Variants in POP1 observed in about 807,000 individuals in gnomAD.
POP1 encodes ribonucleases P/MRP protein subunit POP1.
Under a neutral mutation model 102.2 loss-of-function variants are expected in POP1, and 75 were observed. The observed-to-expected ratio is 0.73, with a 90% confidence interval of 0.61 to 0.89. POP1 has a LOEUF of 0.89. Ranked by LOEUF, POP1 falls within the 40% of genes least tolerant of loss-of-function variation. The pLI is 0.00. For missense variants in POP1, 1,116 were observed against 1,267.4 expected, an observed-to-expected ratio of 0.88 and a Z score of 1.81; for synonymous variants, 436 against 464.1, an observed-to-expected ratio of 0.94 and a Z score of 0.78.
intron 2 of POP1, among the ~76,000 whole-genome samples, chr8:98,126,091 T>C (rs9297282): frequency 0.71 from 107,739 of 151,274 alleles, 39,553 homozygotes; most frequent in African/African-American, 0.89. Flanking sequence ...TCAAGTGATC[T>C]GCCCACCTTG....
intron 12 of POP1, among the ~76,000 whole-genome samples, chr8:98,147,429 G>C (rs1159874377): frequency 1.3e-5 from 2 of 152,220 alleles, no homozygotes; most frequent in South Asian, 2.1e-4. Context: ...AATCAGGAAT[G>C]GGGTGAGAGA....
intron 1 of POP1, among the ~76,000 whole-genome samples, chr8:98,118,631 G>A (rs1239309435): frequency 6.6e-6 from 1 of 151,956 alleles, no homozygotes; most frequent in African/African-American, 2.4e-5. Context: ...TCTTCATATT[G>A]GCCAGGCTGG....
chr8:98,138,481 C>G (rs1039728984), intron 9 of POP1, among the ~76,000 whole-genome samples: 1 of 152,214 alleles, frequency 6.6e-6, no homozygotes, highest in Admixed American at 6.5e-5. Context: ...AGATTTCAGT[C>G]TCTAGCATTT....
intron 1 of POP1, among the ~76,000 whole-genome samples, chr8:98,118,063 C>T (rs1815897326): frequency 6.6e-6 from 1 of 152,146 alleles, no homozygotes; most frequent in Non-Finnish European, 1.5e-5. Context: ...AAAATCTCTG[C>T]CTTCCCTGCT....
At chr8:98,127,436 A>G (rs1226986226) in intron 2 of POP1, among the ~76,000 whole-genome samples, 159 bp from the exon 3 acceptor site, 2 of 152,162 alleles carry the variant, frequency 1.3e-5, no homozygotes, top group African/African-American at 2.4e-5. Flanking sequence ...TCACCTTCCT[A>G]CGTAAGATTC....
At chr8:98,131,664 GT>G (rs11293197) in intron 5 of POP1, among the ~76,000 whole-genome samples, 84,137 of 151,988 alleles carry the variant, frequency 0.55, 23,878 homozygotes, top group South Asian at 0.75. Context: ...TTAATTTTAT[GT>G]TTAATTTTTT....
At chr8:98,137,959 G>A (rs912499235) in intron 9 of POP1, among the ~76,000 whole-genome samples, 4 of 152,158 alleles carry the variant, frequency 2.6e-5, no homozygotes, top group Non-Finnish European at 4.4e-5. Context: ...GGTCAAATAC[G>A]ATGATAGAGC....
At chr8:98,129,800 CT>C (rs1816322933) in intron 4 of POP1, among the ~76,000 whole-genome samples, 177 bp from the exon 5 acceptor site, 1 of 152,190 alleles carries the variant, frequency 6.6e-6, no homozygotes, top group South Asian at 2.1e-4. Context: ...AACATTCACT[CT>C]TTCCATTGTC....
chr8:98,128,151 T>A (rs3802196), intron 3 of POP1, among the ~76,000 whole-genome samples: 1 of 152,014 alleles, frequency 6.6e-6, no homozygotes. Context: ...GCCCTTTCCA[T>A]CCTCTTCTGT....
chr8:98,133,217 A>T (rs1304911252), intron 5 of POP1, among the ~76,000 whole-genome samples: 1 of 152,164 alleles, frequency 6.6e-6, no homozygotes, highest in East Asian at 1.9e-4. Flanking sequence ...ACCCTGTCTC[A>T]AAAACAAAAC....
intron 5 of POP1, among the ~76,000 whole-genome samples, chr8:98,130,904 A>G (rs1157709476): frequency 6.6e-6 from 1 of 152,148 alleles, no homozygotes; most frequent in Non-Finnish European, 1.5e-5. Flanking sequence ...TATTTATCTG[A>G]TTGCTCCCTC....
intron 2 of POP1, among the ~76,000 whole-genome samples, chr8:98,127,140 A>T (rs1457789168): frequency 6.6e-6 from 1 of 152,032 alleles, no homozygotes; most frequent in African/African-American, 2.4e-5. Context: ...ACTCCTTTAT[A>T]AGGATACTAA....
intron 15 of POP1, 57 bp downstream of exon 15, chr8:98,156,469 G>A: frequency 6.2e-7 from 1 of 1,604,506 alleles, no homozygotes; most frequent in Non-Finnish European, 8.5e-7. Context: ...TATTGAAGAG[G>A]CTACAGGATG....
Position 98,140,196 on chromosome 8 carries a change from A to G in POP1, c.1474+7A>G. The G allele has an allele frequency of 6.2e-7, 1 of 1,612,868 alleles. No homozygotes were observed. Among genetic ancestry groups the G allele is most frequent in the South Asian group, 1.1e-5 (1 of 91,030 alleles). On this transcript the variant is annotated splice_region_variant and intron_variant, in intron 10 of 15. Transcript: ENST00000401707. The stretch of plus-strand genomic sequence containing the variant: ...ATTTTCGAGTTGTTGGGAGGTATAC[A>G]AAGGGAAGACTGGGTTGTGTTGGGG...
At chr8:98,145,246 A>C (rs1211645536) in intron 11 of POP1, among the ~76,000 whole-genome samples, 1 of 152,086 alleles carries the variant, frequency 6.6e-6, no homozygotes, top group Non-Finnish European at 1.5e-5. Flanking sequence ...AATTTTTTCT[A>C]ACTTCGTTCT....
At chr8:98,154,778 A>G (rs1026919272) in intron 14 of POP1, among the ~76,000 whole-genome samples, 12 of 152,188 alleles carry the variant, frequency 7.9e-5, no homozygotes, top group Admixed American at 5.9e-4. Flanking sequence ...GTCTAAATCA[A>G]TTAGGGCATA....
chr8:98,150,520 GTC>G lies in POP1; in HGVS notation c.1940_1941del (p.Ser647CysfsTer7). The G allele has an allele frequency of 6.2e-7, 1 of 1,614,008 alleles. No homozygotes were observed. The highest frequency in any genetic ancestry group is 8.5e-7 in the Non-Finnish European group (1 of 1,179,990). ...GTGTGAGAGTCGGAGGGTTGAAAGA[GTC>G]TGCAGTGCATTCTCAGTATAAGAGG... ...RGVRVGGLKESAVHSQYKRSP... is the reference protein window; with the variant it reads ...RGVRVGGLKEXAVHSQYKRSP... On this transcript the variant is annotated frameshift_variant, in exon 14 of 16. Transcript: ENST00000401707. LOFTEE classifies it high-confidence loss of function.
intron 2 of POP1, 108 bp from the exon 3 acceptor site, chr8:98,127,487 C>T: frequency 7.5e-7 from 1 of 1,335,850 alleles, no homozygotes; most frequent in South Asian, 1.2e-5. Context: ...TACAGGGTGA[C>T]TATAGGATTA....
At chr8:98,128,766 G>A (rs544665802) in intron 4 of POP1, among the ~76,000 whole-genome samples, 4 of 151,972 alleles carry the variant, frequency 2.6e-5, no homozygotes, top group Non-Finnish European at 2.9e-5. Flanking sequence ...AAAAAAATCC[G>A]CAAATTAGCT....
Sources: allele counts gnomAD v4.1 joint callset (sites outside exome capture counted in the v4.1 genomes callset), GRCh38; gene constraint gnomAD v4.1.1; transcripts MANE v1.5; gene names NCBI Gene and HGNC (gene_info 2026-07-23, HGNC 2026-07-21).